KLHL29: variants seen among roughly 807,000 people sequenced by gnomAD.
The protein encoded by KLHL29 is kelch-like protein 29.
Under a neutral mutation model 80.4 loss-of-function variants are expected in KLHL29, and 21 were observed. That is an observed-to-expected ratio of 0.26 (90% CI 0.19 to 0.38). The LOEUF is 0.38. Ranked by LOEUF, KLHL29 falls within the 10% of genes least tolerant of loss-of-function variation. KLHL29 has a pLI of 1.00. For synonymous variants in KLHL29, 511 were observed against 526.8 expected (o/e 0.97, Z 0.41); for missense variants, 867 against 1,223.9 (o/e 0.71, Z 4.35).
At chr2:23,674,596 G>T (rs1670871857) in intron 5 of KLHL29, among the ~76,000 whole-genome samples, 1 of 152,184 alleles carries the variant, frequency 6.6e-6, no homozygotes, top group Non-Finnish European at 1.5e-5. Context: ...TGGAAAAGCA[G>T]CAGCACCTCT....
At chr2:23,627,596 G>C (rs1261720176) in intron 3 of KLHL29, among the ~76,000 whole-genome samples, 2 of 152,196 alleles carry the variant, frequency 1.3e-5, no homozygotes, top group Admixed American at 6.5e-5. Flanking sequence ...CCTTGCGTCT[G>C]AGGAGCCGCC....
chr2:23,589,354 C>T (rs535181175), intron 3 of KLHL29, among the ~76,000 whole-genome samples: 9 of 152,366 alleles, frequency 5.9e-5, no homozygotes, highest in Non-Finnish European at 8.8e-5. Context: ...GAAGGCAGTG[C>T]GCTGGCAGCT....
chr2:23,693,586 A>G, intron 8 of KLHL29, 58 bp downstream of exon 8: 11 of 1,503,512 alleles, frequency 7.3e-6, no homozygotes, highest in Non-Finnish European at 9.9e-6. Context: ...CCCTGCGGCA[A>G]TGGGGTCTGC....
Position 23,707,384 on chromosome 2 carries a change from TA to T in KLHL29, c.*723del, listed in dbSNP as rs1672799200. 1 of 152,206 alleles carries T rather than the reference TA, an allele frequency of 6.6e-6. No individual in the cohort carries two copies. Among genetic ancestry groups the T allele is most frequent in the Non-Finnish European group, 1.5e-5 (1 of 68,036 alleles). The allele number at this position is 152,206 out of a possible 1,614,324, so 9.4% of individuals were successfully genotyped here. A position where few individuals can be genotyped will look rare whatever the true frequency, so the allele number is the denominator to read the frequency against. ...TTAGATTTCTGAGGCATTTTCTTGA[TA>T]AACAAAAGGCTATTTTTAAGTACTG... is the stretch of plus-strand genomic sequence containing the variant. On this transcript the variant is annotated 3_prime_UTR_variant, in exon 14 of 14. Coordinates refer to ENST00000486442, the MANE Select transcript of KLHL29 (RefSeq NM_052920.2).
chr2:23,444,793 C>G (rs1387759387), intron 1 of KLHL29, among the ~76,000 whole-genome samples: 2 of 151,950 alleles, frequency 1.3e-5, no homozygotes, highest in Admixed American at 1.3e-4. Flanking sequence ...AGAATATATC[C>G]CGTTACAGAT....
chr2:23,590,180 G>A (rs530845074), intron 3 of KLHL29, among the ~76,000 whole-genome samples: 6 of 152,364 alleles, frequency 3.9e-5, no homozygotes, highest in South Asian at 4.1e-4. Flanking sequence ...CCCCAAGCCC[G>A]CTCCTGCCCC....
intron 1 of KLHL29, among the ~76,000 whole-genome samples, chr2:23,442,147 A>G (rs1181582682): frequency 6.6e-6 from 1 of 152,130 alleles, no homozygotes; most frequent in African/African-American, 2.4e-5. Flanking sequence ...GCAGTGACAC[A>G]AAAACGGCTT....
intron 3 of KLHL29, among the ~76,000 whole-genome samples, chr2:23,570,086 T>C (rs1667681428): frequency 6.6e-6 from 1 of 152,212 alleles, no homozygotes; most frequent in African/African-American, 2.4e-5. Context: ...TAATTTTCAT[T>C]GTGAATCTGC....
chr2:23,498,873 T>C (rs898169636), intron 2 of KLHL29, among the ~76,000 whole-genome samples: 5 of 152,216 alleles, frequency 3.3e-5, no homozygotes, highest in Non-Finnish European at 7.3e-5. Flanking sequence ...CTCCCAAGAC[T>C]GGGCGACCTG....
At chr2:23,618,103 G>C (rs1052188830) in intron 3 of KLHL29, 4 of 152,088 alleles carry the variant, frequency 2.6e-5, no homozygotes, top group Non-Finnish European at 5.9e-5. Flanking sequence ...GGAAGGGAGT[G>C]CCAGAGGAAA....
In KLHL29 at chr2:23,392,349, C is replaced by T. The variant is rs541629876; in HGVS notation, c.-154+6569C>T. 3.0e-4 allele frequency among the ~76,000 whole-genome samples: 45 copies of T among 152,328 alleles called. No homozygotes were observed. In the South Asian group the frequency reaches 4.1e-3, roughly 14 times the overall value. Reference sequence around the variant, plus strand: ...TATTCTGAAAAGCATAAGACATTTGCATCACAATTCCAATAGTTAAAAATA... The same window carrying T: ...TATTCTGAAAAGCATAAGACATTTGTATCACAATTCCAATAGTTAAAAATA... On this transcript the variant is annotated intron_variant, in intron 1 of 13. Transcript: ENST00000486442.
chr2:23,642,507 G>A lies in KLHL29; in HGVS notation c.597G>A (p.Leu199=). 1 of 1,523,964 alleles carries A rather than the reference G, an allele frequency of 6.6e-7. No homozygotes were observed. Among genetic ancestry groups the A allele is most frequent in the Admixed American group, 2.0e-5 (1 of 49,252 alleles). The allele number at this position is 1,523,964 out of a possible 1,614,324, so 94.4% of individuals were successfully genotyped here. ...CCCACGTGGGGCCCCAGCTCCCGCTGATGCCAGGCCACTACTCGCTCCCTC... is the reference window on the plus strand; with the variant it reads ...CCCACGTGGGGCCCCAGCTCCCGCTAATGCCAGGCCACTACTCGCTCCCTC... The part of the protein sequence containing the change: ...LPPHVGPQLP[L]MPGHYSLPQP... The change falls in exon 5 of 14, where the codon CTG becomes CTA. Residue 199 remains leucine (L), a synonymous_variant. Coordinates refer to ENST00000486442, the MANE Select transcript of KLHL29 (RefSeq NM_052920.2).
At position 23,703,373 on chromosome 2, in the gene KLHL29, A is replaced by G. The variant is rs1330606226; in HGVS notation, c.2293A>G (p.Met765Val). ...CACGTGGAGCTTCATCGAGTCCCCA[A>G]TGATTGGTGAGAACCAGCGGTGTCC... is the stretch of plus-strand genomic sequence containing the variant. ...TNTWSFIESPMIDNKYAPAVT... is the reference protein window; with the variant it reads ...TNTWSFIESPVIDNKYAPAVT... The change falls in exon 12 of 14, where the codon ATG (methionine) becomes GTG (valine). Residue 765 changes from methionine (M) to valine (V), a missense_variant. Physicochemically the swap from Met to Val is conservative, Grantham distance 21. Transcript: ENST00000486442. The G allele has an allele frequency of 5.3e-6, 8 of 1,500,328 alleles. No individual in the cohort carries two copies. Among genetic ancestry groups the G allele is most frequent in the Non-Finnish European group, 7.1e-6 (8 of 1,125,644 alleles). 92.9% of individuals were successfully genotyped at this position (1,500,328 alleles called of 1,614,324 possible). A position where few individuals can be genotyped will look rare whatever the true frequency, so the allele number is the denominator to read the frequency against.
intron 5 of KLHL29, among the ~76,000 whole-genome samples, chr2:23,658,199 A>C (rs1330406171): frequency 6.6e-6 from 1 of 151,744 alleles, no homozygotes; most frequent in Non-Finnish European, 1.5e-5. Context: ...TCCTCCACCA[A>C]GGCCAGCTCC....
At chr2:23,594,220 G>A (rs569938806) in intron 3 of KLHL29, among the ~76,000 whole-genome samples, 18 of 152,228 alleles carry the variant, frequency 1.2e-4, no homozygotes, top group African/African-American at 3.1e-4. Context: ...GGAGTGCTCC[G>A]GGGAGTCGCT....
In KLHL29 at chr2:23,596,139, A is replaced by C. The variant is rs1668387539; in HGVS notation, c.285+33658A>C. On this transcript the variant is annotated intron_variant, in intron 3 of 13. Coordinates refer to ENST00000486442, the MANE Select transcript of KLHL29 (RefSeq NM_052920.2). The surrounding 1 kb of genome is among the most constrained non-coding windows in gnomAD (Gnocchi z 4.4). The stretch of plus-strand genomic sequence containing the variant: ...TGGTGGTTTGAACTGAGCCGCATAC[A>C]ATAGAGCACCCTCGGCAGCCAGCCG... Among the ~76,000 whole-genome samples, 1 of 152,160 alleles carries C rather than the reference A, an allele frequency of 6.6e-6. No homozygotes were observed.
Position 23,706,722 on chromosome 2 carries a change from C to G in KLHL29, c.*58C>G. ...CAAGTCTGGTGAGGCAAGTGCCACGCAATGATAATTTTCCAGCGACACCAA... is the reference window on the plus strand; with the variant it reads ...CAAGTCTGGTGAGGCAAGTGCCACGGAATGATAATTTTCCAGCGACACCAA... On this transcript the variant is annotated 3_prime_UTR_variant, in exon 14 of 14. Coordinates refer to ENST00000486442, the MANE Select transcript of KLHL29 (RefSeq NM_052920.2). 1 of 1,298,444 alleles carries G rather than the reference C, an allele frequency of 7.7e-7. No individual in the cohort carries two copies. The highest frequency in any genetic ancestry group is 1.0e-6 in the Non-Finnish European group (1 of 985,042). 80.4% of individuals were successfully genotyped at this position (1,298,444 alleles called of 1,614,324 possible).
intron 11 of KLHL29, among the ~76,000 whole-genome samples, chr2:23,698,495 T>C (rs879198541): frequency 5.9e-5 from 9 of 152,334 alleles, no homozygotes; most frequent in Middle Eastern, 3.4e-3. Flanking sequence ...ACGAGGGGGC[T>C]TTGTTCCCCA....
chr2:23,465,715 T>C (rs7601551), intron 1 of KLHL29, among the ~76,000 whole-genome samples: 29,848 of 152,102 alleles, frequency 0.2, 4,619 homozygotes, highest in African/African-American at 0.42. Context: ...GGAGCCCAAA[T>C]GAAGACATTT....
Sources: allele counts gnomAD v4.1 joint callset (sites outside exome capture counted in the v4.1 genomes callset), GRCh38; gene constraint gnomAD v4.1.1; non-coding constraint Gnocchi (gnomAD v3.1); transcripts MANE v1.5; gene names NCBI Gene and HGNC (gene_info 2026-07-23, HGNC 2026-07-21).